CTNNA3: variants seen among roughly 807,000 people sequenced by gnomAD.
The protein encoded by CTNNA3 is catenin alpha-3.
A neutral mutation model predicts 95.7 loss-of-function variants in CTNNA3; 76 were observed. That is an observed-to-expected ratio of 0.79 (90% CI 0.66 to 0.96). The LOEUF (loss-of-function observed/expected upper bound fraction) is 0.96. Among genes scored for constraint, CTNNA3 ranks in the 40% least tolerant of loss-of-function variants. The pLI, the probability that CTNNA3 is intolerant of heterozygous loss-of-function variation, is 0.00. For synonymous variants in CTNNA3, 431 were observed against 374.4 expected, an observed-to-expected ratio of 1.15 and a Z score of -1.74; for missense variants, 1,191 against 1,089.8, an observed-to-expected ratio of 1.09 and a Z score of -1.31.
chr10:66,978,436 A>G (rs1850190357), intron 7 of CTNNA3, among the ~76,000 whole-genome samples: 1 of 148,286 alleles, frequency 6.7e-6, no homozygotes, highest in Non-Finnish European at 1.5e-5. Flanking sequence ...CTGAGGCAGG[A>G]GAATCACTTT....
chr10:66,771,332 T>C (rs1434577363), intron 8 of CTNNA3, among the ~76,000 whole-genome samples: 1 of 152,188 alleles, frequency 6.6e-6, no homozygotes, highest in Admixed American at 6.5e-5. Flanking sequence ...GATATATTTG[T>C]TGCTTAAATT....
intron 1 of CTNNA3, among the ~76,000 whole-genome samples, chr10:67,715,446 G>A (rs999560726): frequency 6.6e-6 from 1 of 152,068 alleles, no homozygotes; most frequent in African/African-American, 2.4e-5. Context: ...TCAACCCCCA[G>A]GAGACCTTGA....
chr10:66,670,407 T>C (rs1250722982), intron 9 of CTNNA3, among the ~76,000 whole-genome samples: 2 of 152,146 alleles, frequency 1.3e-5, no homozygotes, highest in Non-Finnish European at 2.9e-5. Context: ...AACTGACATC[T>C]CAATTTCCTT....
intron 5 of CTNNA3, among the ~76,000 whole-genome samples, chr10:67,450,448 C>T (rs1277587013): frequency 6.6e-6 from 1 of 152,152 alleles, no homozygotes; most frequent in Admixed American, 6.5e-5. Context: ...TGCTATGCAG[C>T]TACAAAAAAG....
intron 7 of CTNNA3, among the ~76,000 whole-genome samples, chr10:67,003,733 C>G (rs2132998527): frequency 6.6e-6 from 1 of 152,222 alleles, no homozygotes; most frequent in Non-Finnish European, 1.5e-5. Flanking sequence ...GGTCCTATTC[C>G]TCTAGAGACT....
At chr10:66,123,099 G>C (rs537983190) in intron 13 of CTNNA3, among the ~76,000 whole-genome samples, 1 of 152,204 alleles carries the variant, frequency 6.6e-6, no homozygotes, top group Non-Finnish European at 1.5e-5. Context: ...TGACTCAAAA[G>C]TCCACAGTCC....
At chr10:67,565,090 GA>G (rs1483317848) in intron 3 of CTNNA3, among the ~76,000 whole-genome samples, 1 of 121,190 alleles carries the variant, frequency 8.3e-6, no homozygotes, top group Admixed American at 8.3e-5. Context: ...GCAAGACGAA[GA>G]AATGTAAGGC....
chr10:66,668,261 T>C (rs1013576348), intron 9 of CTNNA3, among the ~76,000 whole-genome samples: 3 of 151,256 alleles, frequency 2.0e-5, no homozygotes. Flanking sequence ...TAGGGGAATA[T>C]AATGGGAAAC....
At chr10:66,840,414 C>T (rs2132346653) in intron 7 of CTNNA3, among the ~76,000 whole-genome samples, 1 of 144,586 alleles carries the variant, frequency 6.9e-6, no homozygotes, top group Non-Finnish European at 1.5e-5. Context: ...ACACACACCC[C>T]TCGGTATAGG....
At chr10:66,740,942 A>G (rs1048970106) in intron 9 of CTNNA3, among the ~76,000 whole-genome samples, 3 of 152,208 alleles carry the variant, frequency 2.0e-5, no homozygotes, top group Admixed American at 2.0e-4. Context: ...AGCGTGGTCC[A>G]TGAACATCAT....
chr10:67,247,929 AG>A (rs1865964691), intron 5 of CTNNA3, among the ~76,000 whole-genome samples: 1 of 152,246 alleles, frequency 6.6e-6, no homozygotes, highest in Admixed American at 6.5e-5. Context: ...ACAGACATAT[AG>A]ATCAATGTAA....
intron 13 of CTNNA3, among the ~76,000 whole-genome samples, chr10:66,177,538 G>T (rs899327283): frequency 6.6e-6 from 1 of 151,732 alleles, no homozygotes; most frequent in Non-Finnish European, 1.5e-5. Flanking sequence ...CTAGACGAAC[G>T]ATAAAAAGCG....
rs72472101 is a variant in CTNNA3, at chr10:67,750,491, C to T, written c.-2+12943G>A. The T allele has an allele frequency of 0.028, 43,333 of 1,541,224 alleles. 5,488 individuals are homozygous for T. In the East Asian group the frequency reaches 0.44, roughly 16 times the overall value. The stretch of plus-strand genomic sequence containing the variant: ...GAAGATCCAAGAGAAGGCTGTAAAG[C>T]GGGAGGACCTCTTCATCATCAACAA... On this transcript the variant is annotated intron_variant, in intron 1 of 17. Coordinates refer to the CTNNA3 transcript ENST00000684154.
intron 5 of CTNNA3, among the ~76,000 whole-genome samples, chr10:67,508,694 G>A (rs1036113312): frequency 1.3e-5 from 2 of 152,000 alleles, no homozygotes; most frequent in African/African-American, 4.8e-5. Flanking sequence ...CACAGAAATG[G>A]AAATAATCAA....
intron 17 of CTNNA3, among the ~76,000 whole-genome samples, chr10:65,933,190 C>G (rs1216942958): frequency 6.6e-6 from 1 of 152,020 alleles, no homozygotes; most frequent in Non-Finnish European, 1.5e-5. Context: ...AGAGGGTTGT[C>G]CTCTAGAAGA....
chr10:65,991,639 G>T (rs1347129503), intron 15 of CTNNA3, among the ~76,000 whole-genome samples: 1 of 151,940 alleles, frequency 6.6e-6, no homozygotes, highest in Non-Finnish European at 1.5e-5. Flanking sequence ...TCAAATCTAA[G>T]AGTGTTTTGG....
At chr10:67,605,611 A>G (rs1254856489) in intron 3 of CTNNA3, among the ~76,000 whole-genome samples, 2 of 152,262 alleles carry the variant, frequency 1.3e-5, no homozygotes, top group African/African-American at 4.8e-5. Flanking sequence ...TATGTATTTC[A>G]TAACATCATG....
intron 6 of CTNNA3, among the ~76,000 whole-genome samples, chr10:67,190,359 T>C (rs1486996467): frequency 6.6e-6 from 1 of 152,062 alleles, no homozygotes; most frequent in Non-Finnish European, 1.5e-5. Flanking sequence ...GTATTTTCTC[T>C]GAGTGCATAT....
At chr10:66,117,809 C>T (rs1377364915) in intron 13 of CTNNA3, among the ~76,000 whole-genome samples, 1 of 152,040 alleles carries the variant, frequency 6.6e-6, no homozygotes, top group Non-Finnish European at 1.5e-5. Flanking sequence ...TATAGAATGC[C>T]AATATTATTG....
Sources: allele counts gnomAD v4.1 joint callset (sites outside exome capture counted in the v4.1 genomes callset), GRCh38; gene constraint gnomAD v4.1.1; transcripts MANE v1.5; gene names NCBI Gene and HGNC (gene_info 2026-07-23, HGNC 2026-07-21).